Variants in DDX49 observed in about 807,000 individuals in gnomAD.
The protein encoded by DDX49 is probable ATP-dependent RNA helicase DDX49.
Under a neutral mutation model 56.3 loss-of-function variants are expected in DDX49, and 50 were observed. That is an observed-to-expected ratio of 0.89 (90% CI 0.71 to 1.12). The LOEUF is 1.12. Ranked by LOEUF, DDX49 falls within the 50% of genes most tolerant of loss-of-function variation. The probability of loss-of-function intolerance (pLI) is 0.00; values close to 1 mark genes in which losing one functional copy is unlikely to be tolerated. For missense variants in DDX49, 614 were observed against 650.5 expected, an observed-to-expected ratio of 0.94 and a Z score of 0.61; for synonymous variants, 269 against 270.6, an observed-to-expected ratio of 0.99 and a Z score of 0.06.
chr19:18,926,425 AG>A, intron 10 of DDX49, 48 bp downstream of exon 10: 2 of 542,100 alleles, frequency 3.7e-6, no homozygotes, highest in Non-Finnish European at 3.4e-6. Flanking sequence ...TGGGGTGGGC[AG>A]AGGTGGGCAC....
At position 18,921,866 on chromosome 19, in the gene DDX49, C is replaced by A; in HGVS notation, c.349C>A (p.Leu117Ile). The change falls in exon 4 of 13, where the codon CTC (leucine) becomes ATC (isoleucine). Residue 117 changes from leucine to isoleucine, a missense_variant. Leu to Ile is a conservative substitution (Grantham distance 5). Coordinates refer to ENST00000247003, the MANE Select transcript of DDX49 (RefSeq NM_019070.5). The stretch of plus-strand genomic sequence containing the variant: ...AGACATGGTGGCCCAGGCGCTGGAG[C>A]TCTCTCGGAAACCACACGTGGTCAT... ...GMDMVAQALELSRKPHVVIAT... is the reference protein window; with the variant it reads ...GMDMVAQALEISRKPHVVIAT... 1 of 1,614,028 alleles carries A rather than the reference C, an allele frequency of 6.2e-7. No homozygotes were observed. The highest frequency in any genetic ancestry group is 8.5e-7 in the Non-Finnish European group (1 of 1,180,002).
intron 10 of DDX49, among the ~76,000 whole-genome samples, chr19:18,926,966 G>A (rs1358188956): frequency 2.0e-5 from 3 of 151,446 alleles, no homozygotes; most frequent in Non-Finnish European, 4.4e-5. Context: ...GCAGCTACTT[G>A]GGAGGGTGAG....
Position 18,928,522 on chromosome 19 carries a change from G to A in DDX49, c.*206G>A, listed in dbSNP as rs990917006. On this transcript the variant is annotated 3_prime_UTR_variant, in exon 13 of 13. Coordinates refer to ENST00000247003, the MANE Select transcript of DDX49 (RefSeq NM_019070.5). ...CTGAGCCCTGGCCAAGATTCAGGCT[G>A]CAGGGGAAGAAAGAACATGACCGGG... 3 of 571,732 alleles carry A rather than the reference G, an allele frequency of 5.2e-6. No individual in the cohort carries two copies. The African/African-American group carries it at 5.7e-5, about 11-fold the overall frequency. 35.4% of individuals were successfully genotyped at this position (571,732 alleles called of 1,614,324 possible). A position where few individuals can be genotyped will look rare whatever the true frequency, so the allele number is the denominator to read the frequency against.
At chr19:18,919,908 C>G in intron 1 of DDX49, 52 bp downstream of exon 1, 1 of 1,361,210 alleles carries the variant, frequency 7.3e-7, no homozygotes, top group African/African-American at 1.5e-5. Context: ...CCTCTCGACT[C>G]CTTTCCCTTC....
At position 18,928,012 on chromosome 19, in the gene DDX49, G is replaced by A. The variant is rs771314167; in HGVS notation, c.1239G>A (p.Arg413=). ...HFDEKKEINK[R]KQLILEGKDP... is the part of the protein sequence containing the mutation. The stretch of plus-strand genomic sequence containing the variant: ...ACGAAAAGAAGGAGATCAACAAACG[G>A]AAGCAGCTGATCCTGGAGGGGAAGG... The change falls in exon 12 of 13, where the codon CGG becomes CGA. Residue 413 remains arginine (R), a synonymous_variant. Coordinates refer to ENST00000247003, the MANE Select transcript of DDX49 (RefSeq NM_019070.5). 1.2e-6 allele frequency: 2 copies of A among 1,613,706 alleles called. No homozygotes were observed. Among genetic ancestry groups the A allele is most frequent in the African/African-American group, 2.7e-5 (2 of 74,812 alleles).
chr19:18,926,473 C>T (rs1012762624), intron 10 of DDX49, 96 bp downstream of exon 10: 17 of 1,212,028 alleles, frequency 1.4e-5, no homozygotes, highest in African/African-American at 3.0e-5. Context: ...AGACACCAGC[C>T]GGCCTGCTCC....
Position 18,928,032 on chromosome 19 carries a change from G to A in DDX49, c.1259G>A (p.Gly420Glu), listed in dbSNP as rs769848606. Reference sequence around the variant, plus strand: ...AAACGGAAGCAGCTGATCCTGGAGGGGAAGGTGAGGGCCGAGCCCGCAGGT... The same window carrying A: ...AAACGGAAGCAGCTGATCCTGGAGGAGAAGGTGAGGGCCGAGCCCGCAGGT... ...INKRKQLILE[G>E]KDPDLEAKRK... The change falls in exon 12 of 13, where the codon GGG (glycine) becomes GAG (glutamate). Residue 420 changes from glycine (G) to glutamate (E), a missense_variant. Coordinates refer to ENST00000247003, the MANE Select transcript of DDX49 (RefSeq NM_019070.5). 2 of 1,613,866 alleles carry A rather than the reference G, an allele frequency of 1.2e-6. No individual in the cohort carries two copies. Among genetic ancestry groups the A allele is most frequent in the East Asian group, 2.2e-5 (1 of 44,804 alleles).
At position 18,919,794 on chromosome 19, in the gene DDX49, G is replaced by A. The variant is rs1325037701; in HGVS notation, c.53G>A (p.Arg18Gln). Residue 18 changes from arginine (R) to glutamine (Q), a missense_variant, in exon 1 of 13, where the codon CGG (arginine) becomes CAG (glutamine). Arg to Gln is a conservative substitution (Grantham distance 43, BLOSUM62 1). Coordinates refer to ENST00000247003, the MANE Select transcript of DDX49 (RefSeq NM_019070.5). ...GLSSWLVEQC[R>Q]QLGLKQPTPV... Reference sequence around the variant, plus strand: ...TCATCGTGGCTCGTGGAACAATGTCGGCAGCTGGGTTTGAAGCAGCCCACG... The same window carrying A: ...TCATCGTGGCTCGTGGAACAATGTCAGCAGCTGGGTTTGAAGCAGCCCACG... The A allele has an allele frequency of 1.9e-6, 3 of 1,612,786 alleles. No individual in the cohort carries two copies. Among genetic ancestry groups the A allele is most frequent in the Non-Finnish European group, 2.5e-6 (3 of 1,179,352 alleles).
intron 10 of DDX49, 81 bp from the exon 11 acceptor site, chr19:18,927,685 G>T: frequency 8.3e-7 from 1 of 1,208,084 alleles, no homozygotes; most frequent in Non-Finnish European, 1.2e-6. Flanking sequence ...CCACAGCATG[G>T]GGAACTCACT....
chr19:18,919,785 A>C lies in DDX49; in HGVS notation c.44A>C (p.Glu15Ala). 3 of 1,612,562 alleles carry C rather than the reference A, an allele frequency of 1.9e-6. No individual in the cohort carries two copies. The South Asian group carries it at 3.3e-5, about 18-fold the overall frequency. ...AELGLSSWLV[E>A]QCRQLGLKQP... is the part of the protein sequence containing the mutation. ...CTCGGGCTGTCATCGTGGCTCGTGG[A>C]ACAATGTCGGCAGCTGGGTTTGAAG... Residue 15 changes from glutamate (E) to alanine (A), a missense_variant, in exon 1 of 13, where the codon GAA becomes GCA. Glu to Ala is a moderately radical substitution (Grantham distance 107). Coordinates refer to ENST00000247003, the MANE Select transcript of DDX49 (RefSeq NM_019070.5).
In DDX49 at chr19:18,921,840, C is replaced by G; in HGVS notation, c.326-3C>G. Reference sequence around the variant, plus strand: ...GCCCTGCCTCTCATGCTCTGTCCCCCAGACATGGTGGCCCAGGCGCTGGAG... The same window carrying G: ...GCCCTGCCTCTCATGCTCTGTCCCCGAGACATGGTGGCCCAGGCGCTGGAG... On this transcript the variant is annotated splice_polypyrimidine_tract_variant and splice_region_variant and intron_variant, in intron 3 of 12. Transcript: ENST00000247003. 1.2e-6 allele frequency: 2 copies of G among 1,614,000 alleles called. No individual in the cohort carries two copies. The highest frequency in any genetic ancestry group is 1.7e-6 in the Non-Finnish European group (2 of 1,179,970).
rs1371640273 is a variant in DDX49 at position 18,926,381 on chromosome 19, AGT to A, written c.1102+6_1102+7del. ...CACGCCATCGAGGAGCAGATCAGTG[AGT>A]GGGGTTGGGGTGGGTGGTAGAGAAG... On this transcript the variant is annotated splice_donor_5th_base_variant and intron_variant, in intron 10 of 12. Coordinates refer to ENST00000247003, the MANE Select transcript of DDX49 (RefSeq NM_019070.5). The A allele has an allele frequency of 1.3e-5, 9 of 681,210 alleles. No homozygotes were observed. Among genetic ancestry groups the A allele is most frequent in the Non-Finnish European group, 1.8e-5 (9 of 506,754 alleles). The allele number at this position is 681,210 out of a possible 1,614,324, so 42.2% of individuals were successfully genotyped here. A position where few individuals can be genotyped will look rare whatever the true frequency, so the allele number is the denominator to read the frequency against.
rs868522306 is a variant in DDX49, at chr19:18,927,030, G to A, written c.1102+653G>A. Reference sequence around the variant, plus strand: ...AAAGGTTGCAGTGAGCCAAGGTCGCGCCATTACGCTCCAGCCTGGGTGACA... The same window carrying A: ...AAAGGTTGCAGTGAGCCAAGGTCGCACCATTACGCTCCAGCCTGGGTGACA... On this transcript the variant is annotated intron_variant, in intron 10 of 12. Coordinates refer to ENST00000247003, the MANE Select transcript of DDX49 (RefSeq NM_019070.5). Among the ~76,000 whole-genome samples, 7 of 139,036 alleles carry A rather than the reference G, an allele frequency of 5.0e-5. No homozygotes were observed. In the South Asian group the frequency reaches 9.0e-4, roughly 18 times the overall value. The allele number at this position is 139,036 out of a possible 152,430, so 91.2% of individuals were successfully genotyped here. A position where few individuals can be genotyped will look rare whatever the true frequency, so the allele number is the denominator to read the frequency against.
chr19:18,928,131 C>T lies in DDX49; in HGVS notation c.1267C>T (p.Pro423Ser), dbSNP rs373510240. 1 of 1,608,806 alleles carries T rather than the reference C, an allele frequency of 6.2e-7. No individual in the cohort carries two copies. The highest frequency in any genetic ancestry group is 8.5e-7 in the Non-Finnish European group (1 of 1,177,648). ...CCCCTGGTCCTCCCTGTGCCAGGAC[C>T]CTGACCTGGAGGCCAAGCGCAAGGC... ...RKQLILEGKDPDLEAKRKAEL... is the reference protein window; with the variant it reads ...RKQLILEGKDSDLEAKRKAEL... The change falls in exon 13 of 13, where the codon CCT becomes TCT. Residue 423 changes from proline (P) to serine (S), a missense_variant. By Grantham distance (74) the Pro-to-Ser change is moderately conservative. Coordinates refer to ENST00000247003, the MANE Select transcript of DDX49 (RefSeq NM_019070.5).
chr19:18,928,056 G>A lies in DDX49; in HGVS notation c.1263+20G>A, dbSNP rs1389756814. ...GGGAAGGTGAGGGCCGAGCCCGCAGGTAGGGGGTGGGTGGCCAGGTTCCCT... is the reference window on the plus strand; with the variant it reads ...GGGAAGGTGAGGGCCGAGCCCGCAGATAGGGGGTGGGTGGCCAGGTTCCCT... On this transcript the variant is annotated intron_variant, in intron 12 of 12. Transcript: ENST00000247003. 6.2e-7 allele frequency: 1 copy of A among 1,613,554 alleles called. No individual in the cohort carries two copies. Among genetic ancestry groups the A allele is most frequent in the Non-Finnish European group, 8.5e-7 (1 of 1,179,908 alleles).
chr19:18,922,037 G>T, intron 4 of DDX49, 73 bp downstream of exon 4: 2 of 1,535,410 alleles, frequency 1.3e-6, no homozygotes, highest in Non-Finnish European at 8.8e-7. Flanking sequence ...AGAGCCTGGG[G>T]CACCATCTCA....
rs780460489 is a variant in DDX49, at chr19:18,924,652, C to G, written c.882C>G (p.Phe294Leu). 1.2e-6 allele frequency: 2 copies of G among 1,614,122 alleles called. No homozygotes were observed. The highest frequency in any genetic ancestry group is 1.7e-6 in the Non-Finnish European group (2 of 1,180,052). Reference sequence around the variant, plus strand: ...AACGCTTTGCCGCCCTAGCCAAGTTCAAGTCCAGCATCTACCGGATCCTGA... The same window carrying G: ...AACGCTTTGCCGCCCTAGCCAAGTTGAAGTCCAGCATCTACCGGATCCTGA... ...QKERFAALAKFKSSIYRILIA... is the reference protein window; with the variant it reads ...QKERFAALAKLKSSIYRILIA... The change falls in exon 8 of 13, where the codon TTC (phenylalanine) becomes TTG (leucine). Residue 294 changes from phenylalanine (F) to leucine (L), a missense_variant. Physicochemically the swap from Phe to Leu is conservative, Grantham distance 22 (BLOSUM62 0). Transcript: ENST00000247003.
chr19:18,924,294 T>C lies in DDX49; in HGVS notation c.838T>C (p.Ser280Pro). 1 of 1,613,768 alleles carries C rather than the reference T, an allele frequency of 6.2e-7. No individual in the cohort carries two copies. Among genetic ancestry groups the C allele is most frequent in the Non-Finnish European group, 8.5e-7 (1 of 1,179,992 alleles). ...KFSFPTVALH[S>P]MMKQKERFAA... ...CAGCTTCCCCACCGTGGCTCTGCAC[T>C]CCATGATGAAGCAGGTGAGGCCACC... The change falls in exon 7 of 13, where the codon TCC becomes CCC. Residue 280 changes from serine to proline, a missense_variant. Physicochemically the swap from Ser to Pro is moderately conservative, Grantham distance 74. Coordinates refer to ENST00000247003, the MANE Select transcript of DDX49 (RefSeq NM_019070.5).
At position 18,928,433 on chromosome 19, in the gene DDX49, C is replaced by G; in HGVS notation, c.*117C>G. On this transcript the variant is annotated 3_prime_UTR_variant, in exon 13 of 13. Coordinates refer to ENST00000247003, the MANE Select transcript of DDX49 (RefSeq NM_019070.5). Reference sequence around the variant, plus strand: ...CCTACCCAGTGCCCCACAGCAGAACCCGTGGGCGCTCGTGTTGTGCGGGCC... The same window carrying G: ...CCTACCCAGTGCCCCACAGCAGAACGCGTGGGCGCTCGTGTTGTGCGGGCC... 9.6e-7 allele frequency: 1 copy of G among 1,047,084 alleles called. No individual in the cohort carries two copies. Among genetic ancestry groups the G allele is most frequent in the Non-Finnish European group, 1.3e-6 (1 of 746,348 alleles). The allele number at this position is 1,047,084 out of a possible 1,614,324, so 64.9% of individuals were successfully genotyped here. A position where few individuals can be genotyped will look rare whatever the true frequency, so the allele number is the denominator to read the frequency against.
Sources: gnomAD v4.1 joint callset for allele counts (sites outside exome capture counted in the v4.1 genomes callset) on GRCh38, gnomAD v4.1.1 for gene constraint, MANE v1.5 for transcripts, NCBI Gene and HGNC (gene_info 2026-07-23, HGNC 2026-07-21) for gene names.